Variants in CYP19A1 observed in about 807,000 individuals in gnomAD.
CYP19A1 encodes aromatase.
A neutral mutation model predicts 44.4 loss-of-function variants in CYP19A1; 32 were observed. The ratio of observed to expected loss-of-function variants is 0.72; its 90% CI spans 0.54 to 0.97. CYP19A1 has a LOEUF of 0.97. Ranked by LOEUF, CYP19A1 falls within the 50% of genes least tolerant of loss-of-function variation. The pLI is 0.00. For synonymous variants in CYP19A1, 212 were observed against 215.6 expected (o/e 0.98, Z 0.14); for missense variants, 598 against 637.8 (o/e 0.94, Z 0.67).
chr15:51,249,056 C>T (rs200383210), intron 1 of CYP19A1, among the ~76,000 whole-genome samples: 55 of 151,998 alleles, frequency 3.6e-4, no homozygotes, highest in East Asian at 1.9e-3. Flanking sequence ...TCTCCTGCCT[C>T]GGCCTCCCGA....
chr15:51,242,715 C>G (rs1269810170), intron 2 of CYP19A1, 53 bp downstream of exon 2: 1 of 1,230,980 alleles, frequency 8.1e-7, no homozygotes, highest in African/African-American at 1.5e-5. Context: ...CATCATGGAC[C>G]AAAATCCCAA....
intron 9 of CYP19A1, chr15:51,211,795 A>G (rs1239888908): frequency 3.2e-6 from 1 of 307,826 alleles, no homozygotes; most frequent in African/African-American, 2.2e-5. Context: ...CATCAATTAT[A>G]AAAAAAGAAA....
At position 51,305,056 on chromosome 15, in the gene CYP19A1, C is replaced by T. The variant is rs553225266; in HGVS notation, c.-39+33439G>A. The stretch of plus-strand genomic sequence containing the variant: ...CTGGCATTACAGGCGCCTGCCACCA[C>T]GCCCAGCTAATTTTTGTATTTTTAG... On this transcript the variant is annotated intron_variant, in intron 1 of 9. Transcript: ENST00000396402. Among the ~76,000 whole-genome samples the T allele has an allele frequency of 4.6e-5, 7 of 152,054 alleles. No homozygotes were observed. The East Asian group carries it at 9.7e-4, about 21-fold the overall frequency.
At chr15:51,337,405 T>C (rs2036794290) in intron 1 of CYP19A1, among the ~76,000 whole-genome samples, 1 of 152,242 alleles carries the variant, frequency 6.6e-6, no homozygotes, top group Admixed American at 6.5e-5. Flanking sequence ...ATTATACAAG[T>C]GCTTTACAAG....
chr15:51,251,134 A>G (rs1028569081), intron 1 of CYP19A1, among the ~76,000 whole-genome samples: 1 of 152,086 alleles, frequency 6.6e-6, no homozygotes, highest in African/African-American at 2.4e-5. Context: ...GGTGAGGGCG[A>G]AAGGGAAGCC....
intron 1 of CYP19A1, among the ~76,000 whole-genome samples, chr15:51,275,563 T>C (rs905808142): frequency 1.9e-4 from 29 of 152,206 alleles, no homozygotes; most frequent in African/African-American, 7.0e-4. Flanking sequence ...GGATCTGGCT[T>C]AGGCATGTGT....
At chr15:51,218,686 A>ATT in intron 5 of CYP19A1, 31 bp from the exon 6 acceptor site, 4 of 1,595,002 alleles carry the variant, frequency 2.5e-6, no homozygotes, top group Non-Finnish European at 8.5e-7. Flanking sequence ...CATACACAAG[A>ATT]AAGAGCAGTT....
intron 5 of CYP19A1, among the ~76,000 whole-genome samples, chr15:51,219,883 G>A (rs1328897415): frequency 6.6e-6 from 1 of 152,206 alleles, no homozygotes; most frequent in Admixed American, 6.5e-5. Context: ...CACCCTGGGA[G>A]TGGCATCCCT....
chr15:51,295,192 A>AT (rs1446247354), intron 1 of CYP19A1, among the ~76,000 whole-genome samples: 4 of 149,804 alleles, frequency 2.7e-5, no homozygotes, highest in African/African-American at 7.4e-5. Context: ...ATACAATAGA[A>AT]TTTTTTGTGA....
chr15:51,329,368 G>C (rs2036663554), intron 1 of CYP19A1, among the ~76,000 whole-genome samples: 1 of 152,144 alleles, frequency 6.6e-6, no homozygotes, highest in Non-Finnish European at 1.5e-5. Context: ...CACTAAAAAG[G>C]CACCCTCTGA....
chr15:51,225,906 G>A (rs543469148), intron 4 of CYP19A1, among the ~76,000 whole-genome samples: 6 of 151,886 alleles, frequency 4.0e-5, no homozygotes, highest in African/African-American at 9.7e-5. Flanking sequence ...TGGCTAACAC[G>A]GTGAAACCCC....
At chr15:51,283,008 G>A (rs1389906289) in intron 1 of CYP19A1, among the ~76,000 whole-genome samples, 1 of 152,166 alleles carries the variant, frequency 6.6e-6, no homozygotes, top group Non-Finnish European at 1.5e-5. Flanking sequence ...ATGAATGGGA[G>A]ATAATTGGCA....
At chr15:51,255,627 A>G (rs1184554654) in intron 1 of CYP19A1, 1 of 152,210 alleles carries the variant, frequency 6.6e-6, no homozygotes, top group Non-Finnish European at 1.5e-5. Context: ...ACTGTCCATG[A>G]TGCCCAAGTT....
At chr15:51,301,482 A>C (rs28757110) in intron 1 of CYP19A1, among the ~76,000 whole-genome samples, 330 of 152,324 alleles carry the variant, frequency 2.2e-3, no homozygotes, top group African/African-American at 7.7e-3. Flanking sequence ...TAAAAAGTGA[A>C]GTAGAAAATG....
chr15:51,227,891 G>T lies in CYP19A1; in HGVS notation c.339C>A (p.Ser113Arg). 1.9e-6 allele frequency: 3 copies of T among 1,585,388 alleles called. No homozygotes were observed. Among genetic ancestry groups the T allele is most frequent in the Non-Finnish European group, 1.7e-6 (2 of 1,153,856 alleles). Residue 113 changes from serine to arginine, a missense_variant, in exon 4 of 10, where the codon AGC becomes AGA. Coordinates refer to ENST00000396402, the MANE Select transcript of CYP19A1 (RefSeq NM_000103.4). ...GCCCAAGTTTGCTGCCGAATCGAGA[G>T]CTGTAATGATTGTGCTTCATTATGT... is the stretch of plus-strand genomic sequence containing the variant. Reference protein sequence around the residue: ...MFHIMKHNHYSSRFGSKLGLQ... With the variant: ...MFHIMKHNHYRSRFGSKLGLQ...
At chr15:51,292,182 A>C (rs2035862884) in intron 1 of CYP19A1, among the ~76,000 whole-genome samples, 1 of 152,264 alleles carries the variant, frequency 6.6e-6, no homozygotes, top group African/African-American at 2.4e-5. Context: ...CAAATTGGAC[A>C]GGCAGAGTCA....
chr15:51,260,698 C>T lies in CYP19A1; in HGVS notation c.-38-17748G>A, dbSNP rs149780483. Among the ~76,000 whole-genome samples the T allele has an allele frequency of 8.8e-3, 1,345 of 152,252 alleles. 12 individuals carry two copies. The highest frequency in any genetic ancestry group is 0.014 in the Non-Finnish European group (954 of 68,014). ...CAGGGCTTGTAACTCAGCTCACACC[C>T]GGCCAATCAGGTAGTAAAGAGGGCT... On this transcript the variant is annotated intron_variant, in intron 1 of 9. Transcript: ENST00000396402.
At chr15:51,211,942 C>A (rs1273643059) in intron 9 of CYP19A1, among the ~76,000 whole-genome samples, 3 of 148,666 alleles carry the variant, frequency 2.0e-5, no homozygotes, top group East Asian at 4.0e-4. Flanking sequence ...CAGTAGTGGA[C>A]TTTCCTTTGC....
chr15:51,327,967 T>TA (rs1365107943), intron 1 of CYP19A1, among the ~76,000 whole-genome samples: 5 of 152,158 alleles, frequency 3.3e-5, no homozygotes, highest in African/African-American at 1.2e-4. Context: ...TTTCAGTATC[T>TA]AAAAAATCTT....
Sources: allele counts gnomAD v4.1 joint callset (sites outside exome capture counted in the v4.1 genomes callset), GRCh38; gene constraint gnomAD v4.1.1; transcripts MANE v1.5; gene names NCBI Gene and HGNC (gene_info 2026-07-23, HGNC 2026-07-21).